Variants in NEK10 observed in about 807,000 individuals in gnomAD.
NEK10 encodes the protein serine/threonine-protein kinase Nek10.
In NEK10, 122 loss-of-function variants were observed where a neutral mutation model predicts 159.8. The ratio of observed to expected loss-of-function variants is 0.76; its 90% CI spans 0.66 to 0.89. The LOEUF is 0.89. NEK10 is among the 40% of genes least tolerant of loss of function. The pLI is 0.00. For missense variants in NEK10, 1,342 were observed against 1,323.1 expected, an observed-to-expected ratio of 1.01 and a Z score of -0.22; for synonymous variants, 466 against 457.1, an observed-to-expected ratio of 1.02 and a Z score of -0.25.
intron 35 of NEK10, among the ~76,000 whole-genome samples, chr3:27,111,982 T>C (rs1465192224): frequency 3.3e-5 from 5 of 152,288 alleles, no homozygotes; most frequent in African/African-American, 1.2e-4. Context: ...TGACCTTCTT[T>C]AACTTTCTTT....
intron 22 of NEK10, among the ~76,000 whole-genome samples, chr3:27,262,872 T>C (rs1234016848): frequency 3.3e-5 from 5 of 152,224 alleles, no homozygotes; most frequent in African/African-American, 1.2e-4. Context: ...CCATTGCTGG[T>C]GAGGAGCTGC....
intron 23 of NEK10, among the ~76,000 whole-genome samples, chr3:27,221,007 T>C (rs1952047180): frequency 6.6e-6 from 1 of 152,186 alleles, no homozygotes; most frequent in Admixed American, 6.5e-5. Context: ...TCATACCATA[T>C]GCAAAAATTA....
At position 27,162,698 on chromosome 3, in the gene NEK10, T is replaced by C; in HGVS notation, c.2869+3A>G. 5 of 1,613,918 alleles carry C rather than the reference T, an allele frequency of 3.1e-6. No homozygotes were observed. Among genetic ancestry groups the C allele is most frequent in the Non-Finnish European group, 4.2e-6 (5 of 1,179,798 alleles). ...GATTTTATTGCTACCAACACTAAGTTACCTGGTCTTGGTCTTGATCCTGTT... is the reference window on the plus strand; with the variant it reads ...GATTTTATTGCTACCAACACTAAGTCACCTGGTCTTGGTCTTGATCCTGTT... On this transcript the variant is annotated splice_donor_region_variant and intron_variant, in intron 30 of 35. Coordinates refer to ENST00000691995, the MANE Select transcript of NEK10 (RefSeq NM_001394966.1).
chr3:27,253,509 C>T (rs866884378), intron 23 of NEK10, among the ~76,000 whole-genome samples: 3 of 152,220 alleles, frequency 2.0e-5, no homozygotes, highest in Non-Finnish European at 4.4e-5. Context: ...AGAACCTTTA[C>T]TGACCTTCTG....
intron 22 of NEK10, among the ~76,000 whole-genome samples, chr3:27,256,649 T>C (rs1956210146): frequency 6.6e-6 from 1 of 152,172 alleles, no homozygotes; most frequent in Non-Finnish European, 1.5e-5. Flanking sequence ...GAATCTAACA[T>C]TTGGCATAGG....
intron 30 of NEK10, among the ~76,000 whole-genome samples, chr3:27,157,681 G>C (rs1226139617): frequency 5.3e-5 from 8 of 152,120 alleles, no homozygotes; most frequent in Non-Finnish European, 1.0e-4. Flanking sequence ...AGGTTTCAGG[G>C]GACTGACTCC....
chr3:27,290,790 A>C, intron 18 of NEK10, 36 bp from the exon 19 acceptor site: 1 of 1,540,526 alleles, frequency 6.5e-7, no homozygotes, highest in Non-Finnish European at 8.8e-7. Context: ...AACAAAAGGA[A>C]CAGGGTAAAG....
At chr3:27,332,631 C>T (rs961460050) in intron 5 of NEK10, among the ~76,000 whole-genome samples, 9 of 152,162 alleles carry the variant, frequency 5.9e-5, no homozygotes, top group Non-Finnish European at 1.2e-4. Flanking sequence ...CCTTGTAATA[C>T]GGAATCTTCA....
intron 23 of NEK10, among the ~76,000 whole-genome samples, chr3:27,254,230 G>A (rs951932451): frequency 2.0e-5 from 3 of 152,150 alleles, no homozygotes; most frequent in South Asian, 4.1e-4. Context: ...TAGTGTCAGT[G>A]TATTTTGTGT....
chr3:27,263,713 G>T (rs1247475439), intron 22 of NEK10, among the ~76,000 whole-genome samples: 1 of 152,148 alleles, frequency 6.6e-6, no homozygotes, highest in African/African-American at 2.4e-5. Context: ...GGTGCCATCT[G>T]TCACCCGTTT....
chr3:27,313,333 G>T (rs1415638537), intron 7 of NEK10, among the ~76,000 whole-genome samples: 1 of 152,096 alleles, frequency 6.6e-6, no homozygotes, highest in Non-Finnish European at 1.5e-5. Flanking sequence ...AAGCCTCTGA[G>T]TTGCTCAGTA....
At chr3:27,323,159 G>A (rs989961790) in intron 5 of NEK10, among the ~76,000 whole-genome samples, 3 of 152,160 alleles carry the variant, frequency 2.0e-5, no homozygotes, top group Non-Finnish European at 4.4e-5. Flanking sequence ...AAGGGAAGAG[G>A]AGAAATCCAA....
intron 25 of NEK10, among the ~76,000 whole-genome samples, chr3:27,198,386 C>T (rs573119404): frequency 6.8e-5 from 10 of 147,596 alleles, no homozygotes; most frequent in Non-Finnish European, 1.5e-4. Context: ...TCAAACTATA[C>T]TACAGGGCTA....
Position 27,309,016 on chromosome 3 carries a change from A to T in NEK10, c.637-11T>A, listed in dbSNP as rs748170101. The T allele has an allele frequency of 7.2e-7, 1 of 1,388,820 alleles. No individual in the cohort carries two copies. The highest frequency in any genetic ancestry group is 1.4e-5 in the African/African-American group (1 of 70,202). The allele number at this position is 1,388,820 out of a possible 1,614,324, so 86.0% of individuals were successfully genotyped here. ...TAAATTTACTAATGTCTGAAAAATG[A>T]AGTAAAATAAAGTTTAATTATATAA... On this transcript the variant is annotated splice_polypyrimidine_tract_variant and intron_variant, in intron 9 of 35. Coordinates refer to ENST00000691995, the MANE Select transcript of NEK10 (RefSeq NM_001394966.1).
intron 31 of NEK10, among the ~76,000 whole-genome samples, chr3:27,134,075 A>G (rs1942929095): frequency 6.6e-6 from 1 of 152,186 alleles, no homozygotes; most frequent in Admixed American, 6.5e-5. Context: ...AAAGAGAGGA[A>G]GGGGGGTGCA....
rs372946690 is a variant in NEK10, at chr3:27,322,463, GC to G, written c.363-203del. Among the ~76,000 whole-genome samples the G allele has an allele frequency of 4.5e-3, 681 of 151,464 alleles. 1 individual carries two copies. The highest frequency in any genetic ancestry group is 0.011 in the African/African-American group (450 of 41,260). ...CTATCTTTTTCAGTGTGGAGGAGAGGCCCCCCCCAAACTTATTTGGTTCATG... is the reference window on the plus strand; with the variant it reads ...CTATCTTTTTCAGTGTGGAGGAGAGGCCCCCCCAAACTTATTTGGTTCATG... On this transcript the variant is annotated intron_variant, in intron 5 of 35. Coordinates refer to ENST00000691995, the MANE Select transcript of NEK10 (RefSeq NM_001394966.1).
At position 27,171,856 on chromosome 3, in the gene NEK10, A is replaced by G. The variant is rs780367810; in HGVS notation, c.2794T>C (p.Phe932Leu). 8 of 1,613,458 alleles carry G rather than the reference A, an allele frequency of 5.0e-6. No homozygotes were observed. The East Asian group carries it at 1.6e-4, about 31-fold the overall frequency. Residue 932 changes from phenylalanine to leucine, a missense_variant, in exon 29 of 36, where the codon TTT becomes CTT. Phe to Leu is a conservative substitution (Grantham distance 22, BLOSUM62 0). Coordinates refer to ENST00000691995, the MANE Select transcript of NEK10 (RefSeq NM_001394966.1). ...ESTFNILKRS[F>L]SASGGERQSQ... ...TGTCTTTCTCCTCCTGAAGCACTAA[A>G]ACTTCTCTTTAAAATGTCTGAGACG...
chr3:27,347,250 C>T lies in NEK10; in HGVS notation c.133-1034G>A, dbSNP rs564666806. On this transcript the variant is annotated intron_variant, in intron 3 of 35. Coordinates refer to ENST00000691995, the MANE Select transcript of NEK10 (RefSeq NM_001394966.1). ...TCATTTTCAGCCAGGCGTAGTGGCT[C>T]ATGCCTGTAATCCCAGCACTTTGGG... Among the ~76,000 whole-genome samples the T allele has an allele frequency of 3.6e-4, 55 of 152,218 alleles. 1 individual carries two copies. Among genetic ancestry groups the T allele is most frequent in the African/African-American group, 1.3e-3 (52 of 41,532 alleles).
At chr3:27,312,251 C>T (rs981388871) in intron 7 of NEK10, 74 bp from the exon 8 acceptor site, 9 of 776,316 alleles carry the variant, frequency 1.2e-5, no homozygotes, top group African/African-American at 8.8e-5. Flanking sequence ...CAAGATGCTG[C>T]AGTTCTTAAA....
Sources: gnomAD v4.1 joint callset for allele counts (sites outside exome capture counted in the v4.1 genomes callset) on GRCh38, gnomAD v4.1.1 for gene constraint, MANE v1.5 for transcripts, NCBI Gene and HGNC (gene_info 2026-07-23, HGNC 2026-07-21) for gene names.